The following FRMD5 variants were observed in gnomAD, a reference collection of about 807,000 sequenced individuals.
FRMD5 encodes FERM domain-containing protein 5.
A neutral mutation model predicts 69.0 loss-of-function variants in FRMD5; 20 were observed. The ratio of observed to expected loss-of-function variants is 0.29; its 90% CI spans 0.20 to 0.42. FRMD5 has a LOEUF of 0.42. Ranked by LOEUF, FRMD5 falls within the 10% of genes least tolerant of loss-of-function variation. The pLI is 1.00. For missense variants in FRMD5, 595 were observed against 708.6 expected, an observed-to-expected ratio of 0.84 and a Z score of 1.82; for synonymous variants, 271 against 260.1, an observed-to-expected ratio of 1.04 and a Z score of -0.40.
chr15:44,037,721 G>A (rs983726284), intron 1 of FRMD5, among the ~76,000 whole-genome samples: 2 of 151,532 alleles, frequency 1.3e-5, no homozygotes, highest in Admixed American at 1.3e-4. Context: ...TGATCCACCT[G>A]CCTCGGCCTC....
intron 1 of FRMD5, 44 bp downstream of exon 1, chr15:44,194,909 G>A (rs969817845): frequency 2.0e-6 from 3 of 1,469,998 alleles, no homozygotes; most frequent in South Asian, 1.2e-5. Context: ...AGACTTGGGG[G>A]ACAAGGGGGT....
At chr15:43,951,175 C>CT (rs144691068) in intron 1 of FRMD5, among the ~76,000 whole-genome samples, 3,270 of 152,184 alleles carry the variant, frequency 0.021, 68 homozygotes, top group African/African-American at 0.058. Flanking sequence ...AATCCCAGCA[C>CT]TTTGGGAGGC....
At chr15:43,989,837 G>T (rs1889584338) in intron 1 of FRMD5, 1 of 1,021,468 alleles carries the variant, frequency 9.8e-7, no homozygotes, top group African/African-American at 1.6e-5. Context: ...ATCTTCTTGT[G>T]GTTGGCCTTG....
intron 3 of FRMD5, 42 bp from the exon 4 acceptor site, chr15:43,919,579 C>T: frequency 1.9e-6 from 3 of 1,589,818 alleles, no homozygotes; most frequent in Non-Finnish European, 2.6e-6. Context: ...GACTCTCACC[C>T]AGAAGAGGAC....
At chr15:44,113,739 C>T (rs559891907) in intron 1 of FRMD5, among the ~76,000 whole-genome samples, 4 of 152,180 alleles carry the variant, frequency 2.6e-5, no homozygotes, top group Admixed American at 6.6e-5. Context: ...TAGTAATCAT[C>T]TTACTAGCTT....
At chr15:43,923,594 C>T (rs865895306) in intron 2 of FRMD5, among the ~76,000 whole-genome samples, 17 of 152,140 alleles carry the variant, frequency 1.1e-4, no homozygotes, top group Admixed American at 8.5e-4. Context: ...TACTGTCTGG[C>T]GGGACCACAG....
intron 8 of FRMD5, 24 bp downstream of exon 8, chr15:43,891,957 T>C: frequency 6.3e-7 from 1 of 1,598,578 alleles, no homozygotes; most frequent in African/African-American, 1.3e-5. Context: ...ATAAAGAGCC[T>C]ATTTTGGAAA....
chr15:44,042,200 G>A (rs1052488349), intron 1 of FRMD5, among the ~76,000 whole-genome samples: 1 of 151,884 alleles, frequency 6.6e-6, no homozygotes, highest in Non-Finnish European at 1.5e-5. Context: ...GATAAATTCC[G>A]GGACACATAC....
At chr15:44,197,788 A>C (rs2140638414), upstream of FRMD5, among the ~76,000 whole-genome samples, 1 of 152,288 alleles carries the variant, frequency 6.6e-6, no homozygotes, top group Admixed American at 6.5e-5. Context: ...GCAAGAAAAA[A>C]TGTCCAAGCT....
intron 1 of FRMD5, among the ~76,000 whole-genome samples, chr15:43,978,526 T>C (rs1448271924): frequency 1.3e-5 from 2 of 152,200 alleles, no homozygotes; most frequent in African/African-American, 4.8e-5. Context: ...TTATAATGAT[T>C]AAGACGTACA....
intron 1 of FRMD5, among the ~76,000 whole-genome samples, chr15:44,173,016 G>C (rs183861502): frequency 6.6e-5 from 10 of 152,118 alleles, no homozygotes. Context: ...ACATGAAATC[G>C]CTTGTCATCA....
At chr15:44,041,275 C>T (rs552969611) in intron 1 of FRMD5, among the ~76,000 whole-genome samples, 87 of 152,290 alleles carry the variant, frequency 5.7e-4, no homozygotes, top group African/African-American at 2.0e-3. Flanking sequence ...CCACTGTCAA[C>T]ACAAGAGAGA....
At chr15:43,953,014 C>T (rs939205571) in intron 1 of FRMD5, among the ~76,000 whole-genome samples, 7 of 152,204 alleles carry the variant, frequency 4.6e-5, no homozygotes, top group African/African-American at 1.7e-4. Flanking sequence ...GGGGCTAGAC[C>T]TCGAGCAGTT....
At chr15:44,140,566 C>G (rs984981099) in intron 1 of FRMD5, among the ~76,000 whole-genome samples, 1 of 151,874 alleles carries the variant, frequency 6.6e-6, no homozygotes, top group Non-Finnish European at 1.5e-5. Context: ...TATTTGCATG[C>G]TATCATTGCT....
chr15:44,058,468 T>C (rs1356326328), intron 1 of FRMD5, among the ~76,000 whole-genome samples: 1 of 152,220 alleles, frequency 6.6e-6, no homozygotes, highest in Non-Finnish European at 1.5e-5. Context: ...GCCACTGAAT[T>C]ATGTACTTTA....
intron 1 of FRMD5, among the ~76,000 whole-genome samples, chr15:44,184,371 T>C (rs553871968): frequency 1.1e-4 from 16 of 152,338 alleles, no homozygotes; most frequent in African/African-American, 3.6e-4. Flanking sequence ...TTCAGGAATC[T>C]TTAGGTTGGA....
intron 1 of FRMD5, among the ~76,000 whole-genome samples, chr15:43,944,787 G>A (rs4321171): frequency 0.08 from 12,195 of 152,082 alleles, 810 homozygotes; most frequent in African/African-American, 0.18. Context: ...CATAGTTAAA[G>A]GGTCAGTCAG....
chr15:44,080,566 G>A (rs1011675170), intron 1 of FRMD5, among the ~76,000 whole-genome samples: 3 of 152,096 alleles, frequency 2.0e-5, no homozygotes, highest in Admixed American at 6.6e-5. Flanking sequence ...GAGAAAATGA[G>A]ACTAGGAAAA....
intron 1 of FRMD5, among the ~76,000 whole-genome samples, chr15:44,082,669 G>A (rs1894044138): frequency 6.6e-6 from 1 of 151,900 alleles, no homozygotes; most frequent in Non-Finnish European, 1.5e-5. Flanking sequence ...AAGCATAGCT[G>A]AAGGTCATAT....
Sources: gnomAD v4.1 joint callset for allele counts (sites outside exome capture counted in the v4.1 genomes callset) on GRCh38, gnomAD v4.1.1 for gene constraint, MANE v1.5 for transcripts, NCBI Gene and HGNC (gene_info 2026-07-23, HGNC 2026-07-21) for gene names.